Variants in FADS3 observed in about 807,000 individuals in gnomAD.
FADS3 encodes the protein fatty acid desaturase 3.
Under a neutral mutation model 60.4 loss-of-function variants are expected in FADS3, and 30 were observed. The ratio of observed to expected loss-of-function variants is 0.50; its 90% confidence interval spans 0.37 to 0.67. The LOEUF (loss-of-function observed/expected upper bound fraction) is 0.67. Ranked by LOEUF, FADS3 falls within the 30% of genes least tolerant of loss-of-function variation. The pLI, the probability that FADS3 is intolerant of heterozygous loss-of-function variation, is 0.00. For missense variants in FADS3, 432 were observed against 598.3 expected (o/e 0.72, Z 2.90); for synonymous variants, 234 against 249.3 (o/e 0.94, Z 0.58).
intron 3 of FADS3, 60 bp downstream of exon 3, chr11:61,879,252 T>G: frequency 7.0e-7 from 1 of 1,432,628 alleles, no homozygotes; most frequent in Non-Finnish European, 9.6e-7. Flanking sequence ...AATGCCCAGA[T>G]GCATGGGGGC....
intron 5 of FADS3, 132 bp from the exon 6 acceptor site, chr11:61,878,347 C>T (rs1937990970): frequency 7.3e-7 from 1 of 1,374,594 alleles, no homozygotes; most frequent in Non-Finnish European, 1.0e-6. Flanking sequence ...TGGTCGTCCC[C>T]AGCAGGTTGG....
chr11:61,891,447 C>T lies in FADS3; in HGVS notation c.-66G>A, dbSNP rs1938512437. 2 of 1,181,664 alleles carry T rather than the reference C, an allele frequency of 1.7e-6. No individual in the cohort carries two copies. The highest frequency in any genetic ancestry group is 2.6e-5 in the South Asian group (1 of 38,408). The allele number at this position is 1,181,664 out of a possible 1,614,324, so 73.2% of individuals were successfully genotyped here. On this transcript the variant is annotated 5_prime_UTR_variant, in exon 1 of 12. Coordinates refer to ENST00000278829, the MANE Select transcript of FADS3 (RefSeq NM_021727.5). ...GGTCCGAGCAAGACCCCGAGGGAAG[C>T]GAAGAGCGCTCCCGGGCGCCGCCTC... is the stretch of plus-strand genomic sequence containing the variant.
At chr11:61,890,176 C>T (rs1938452831) in intron 1 of FADS3, 1 of 151,282 alleles carries the variant, frequency 6.6e-6, no homozygotes, top group Admixed American at 6.6e-5. Flanking sequence ...TCTCACTCCT[C>T]AGCTTCATGG....
In FADS3 at chr11:61,891,385, G is replaced by A; in HGVS notation, c.-4C>T. The A allele has an allele frequency of 2.1e-6, 3 of 1,457,268 alleles. No individual in the cohort carries two copies. The highest frequency in any genetic ancestry group is 2.7e-6 in the Non-Finnish European group (3 of 1,109,780). The allele number at this position is 1,457,268 out of a possible 1,614,324, so 90.3% of individuals were successfully genotyped here. ...CCGGCTCCCCGACGCCGCCCATGCTGCACGCACGAGTCCTGGGGATCCCAG... is the reference window on the plus strand; with the variant it reads ...CCGGCTCCCCGACGCCGCCCATGCTACACGCACGAGTCCTGGGGATCCCAG... On this transcript the variant is annotated 5_prime_UTR_variant, in exon 1 of 12. Coordinates refer to ENST00000278829, the MANE Select transcript of FADS3 (RefSeq NM_021727.5).
At chr11:61,882,703 G>A (rs1418453598) in intron 1 of FADS3, among the ~76,000 whole-genome samples, 1 of 151,980 alleles carries the variant, frequency 6.6e-6, no homozygotes, top group African/African-American at 2.4e-5. Flanking sequence ...GTACAGGTGT[G>A]AGCCACACCT....
chr11:61,883,859 AGTGTGAGCCCCCTCAGGGCT>A lies in FADS3; in HGVS notation c.214-3728_214-3709del, dbSNP rs1232681259. On this transcript the variant is annotated intron_variant, in intron 1 of 11. Transcript: ENST00000278829. Reference sequence around the variant, plus strand: ...TCTACCCCTTGCAATGATAAGGGGAAGTGTGAGCCCCCTCAGGGCTGTGTCAGAGAACCCCAAAGCCATTG... The same window carrying A: ...TCTACCCCTTGCAATGATAAGGGGAAGTGTCAGAGAACCCCAAAGCCATTG... Among the ~76,000 whole-genome samples, 3 of 152,234 alleles carry A rather than the reference AGTGTGAGCCCCCTCAGGGCT, an allele frequency of 2.0e-5. No individual in the cohort carries two copies. In the East Asian group the frequency reaches 5.8e-4, roughly 29 times the overall value.
At chr11:61,878,301 A>G in intron 5 of FADS3, 86 bp from the exon 6 acceptor site, 2 of 1,468,682 alleles carry the variant, frequency 1.4e-6, no homozygotes, top group Non-Finnish European at 1.9e-6. Context: ...GCTGGGGCCA[A>G]GGGTCAAAGG....
rs1025002769 is a variant in FADS3 at position 61,873,553 on chromosome 11, A to C, written c.*261T>G. ...CATCTGAATGTATTTTAATATAAAA[A>C]TAACAGCTTTCCCCCAATTCTCGCT... On this transcript the variant is annotated 3_prime_UTR_variant, in exon 12 of 12. Coordinates refer to ENST00000278829, the MANE Select transcript of FADS3 (RefSeq NM_021727.5). The C allele has an allele frequency of 1.1e-5, 6 of 550,876 alleles. No individual in the cohort carries two copies. Among genetic ancestry groups the C allele is most frequent in the Non-Finnish European group, 1.9e-5 (6 of 310,782 alleles). The allele number at this position is 550,876 out of a possible 1,614,324, so 34.1% of individuals were successfully genotyped here.
In FADS3 at chr11:61,891,151, T is replaced by A. The variant is rs749629481; in HGVS notation, c.213+18A>T. On this transcript the variant is annotated intron_variant, in intron 1 of 11. Coordinates refer to ENST00000278829, the MANE Select transcript of FADS3 (RefSeq NM_021727.5). Reference sequence around the variant, plus strand: ...AGGCTCCACCCGCCGGTGGGTGGCTTCCTTATGGCTTCCTTACCGTGGCGT... The same window carrying A: ...AGGCTCCACCCGCCGGTGGGTGGCTACCTTATGGCTTCCTTACCGTGGCGT... The A allele has an allele frequency of 2.6e-6, 4 of 1,551,364 alleles. No individual in the cohort carries two copies. The Admixed American group carries it at 5.8e-5, about 22-fold the overall frequency.
chr11:61,884,644 C>G (rs1010223119), intron 1 of FADS3, among the ~76,000 whole-genome samples: 1 of 152,166 alleles, frequency 6.6e-6, no homozygotes, highest in East Asian at 1.9e-4. Flanking sequence ...GAAGGCGGTT[C>G]TTGGACCTCA....
chr11:61,878,505 C>T lies in FADS3; in HGVS notation c.747+7G>A. The T allele has an allele frequency of 6.2e-7, 1 of 1,613,148 alleles. No individual in the cohort carries two copies. The highest frequency in any genetic ancestry group is 2.2e-5 in the East Asian group (1 of 44,878). On this transcript the variant is annotated splice_region_variant and intron_variant, in intron 5 of 11. Transcript: ENST00000278829. ...GCCAGAGGTTGTCCACGTCCCTCCC[C>T]ACCCACCTCGACGGATGACTCCCCC...
intron 1 of FADS3, among the ~76,000 whole-genome samples, chr11:61,885,636 C>T (rs1938289188): frequency 6.6e-6 from 1 of 152,172 alleles, no homozygotes; most frequent in Admixed American, 6.5e-5. Context: ...CAGCCTCCTT[C>T]CACCCCAGAG....
rs1937765987 is a variant in FADS3 at position 61,873,807 on chromosome 11, G to A, written c.*7C>T. On this transcript the variant is annotated 3_prime_UTR_variant, in exon 12 of 12. Transcript: ENST00000278829. ...TGAGCCCTTCTCTGCCCGCCTGGGTGTTGCCTTCACTGATGGAGGTAGGCG... is the reference window on the plus strand; with the variant it reads ...TGAGCCCTTCTCTGCCCGCCTGGGTATTGCCTTCACTGATGGAGGTAGGCG... 1.2e-6 allele frequency: 2 copies of A among 1,609,680 alleles called. No homozygotes were observed. The highest frequency in any genetic ancestry group is 1.1e-5 in the South Asian group (1 of 90,290).
rs769574979 is a variant in FADS3, at chr11:61,876,806, G to C, written c.983+60C>G. On this transcript the variant is annotated intron_variant, in intron 8 of 11. Transcript: ENST00000278829. This position sits in a 1 kb window ranked among gnomAD's most constrained non-coding sequence, Gnocchi z 5.7. Reference sequence around the variant, plus strand: ...CAGACGGGAAAAGGGAAGCTCTGGTGGGGGGCTGCAGTGGGGGTCACCTGT... The same window carrying C: ...CAGACGGGAAAAGGGAAGCTCTGGTCGGGGGCTGCAGTGGGGGTCACCTGT... 1.6e-6 allele frequency: 2 copies of C among 1,290,256 alleles called. No individual in the cohort carries two copies. Among genetic ancestry groups the C allele is most frequent in the Non-Finnish European group, 2.2e-6 (2 of 907,160 alleles). The allele number at this position is 1,290,256 out of a possible 1,614,324, so 79.9% of individuals were successfully genotyped here. A position where few individuals can be genotyped will look rare whatever the true frequency, so the allele number is the denominator to read the frequency against.
intron 3 of FADS3, 59 bp downstream of exon 3, chr11:61,879,253 G>T: frequency 7.0e-7 from 1 of 1,436,334 alleles, no homozygotes; most frequent in Non-Finnish European, 9.6e-7. Flanking sequence ...ATGCCCAGAT[G>T]CATGGGGGCC....
Position 61,879,565 on chromosome 11 carries a change from C to G in FADS3, c.325-56G>C, listed in dbSNP as rs1045975900. 2.9e-5 allele frequency: 43 copies of G among 1,501,546 alleles called. No homozygotes were observed. The Admixed American group carries it at 7.9e-4, about 27-fold the overall frequency. The allele number at this position is 1,501,546 out of a possible 1,614,324, so 93.0% of individuals were successfully genotyped here. On this transcript the variant is annotated intron_variant, in intron 2 of 11. Coordinates refer to ENST00000278829, the MANE Select transcript of FADS3 (RefSeq NM_021727.5). ...GAAGAAATTCCTCCCCACCCCCATT[C>G]TCCTGGAGCCCCAGCCGCTCCTCCC...
rs1591192151 is a variant in FADS3, at chr11:61,877,711, C to G, written c.809-124G>C. 1 of 815,678 alleles carries G rather than the reference C, an allele frequency of 1.2e-6. No homozygotes were observed. The highest frequency in any genetic ancestry group is 1.9e-6 in the Non-Finnish European group (1 of 528,494). The allele number at this position is 815,678 out of a possible 1,614,324, so 50.5% of individuals were successfully genotyped here. A position where few individuals can be genotyped will look rare whatever the true frequency, so the allele number is the denominator to read the frequency against. On this transcript the variant is annotated intron_variant, in intron 6 of 11. Transcript: ENST00000278829. The surrounding 1 kb of genome is among the most constrained non-coding windows in gnomAD (Gnocchi z 4.7). ...GGACGTTGGTGCTGGTCACATCCAG[C>G]TGAATGACCCCATATCACCCCCAAT...
chr11:61,877,830 C>G lies in FADS3; in HGVS notation c.809-243G>C, dbSNP rs925514546. 3.4e-6 allele frequency: 2 copies of G among 595,222 alleles called. No homozygotes were observed. The highest frequency in any genetic ancestry group is 1.9e-5 in the African/African-American group (1 of 53,766). 36.9% of individuals were successfully genotyped at this position (595,222 alleles called of 1,614,324 possible). ...GCCAGACTTGAGTCCTCACTCTGTC[C>G]GCCCCAACAACTGCCCAAAGACTCT... On this transcript the variant is annotated intron_variant, in intron 6 of 11. Transcript: ENST00000278829. The surrounding 1 kb of genome is among the most constrained non-coding windows in gnomAD (Gnocchi z 4.7).
At chr11:61,874,225 G>C (rs573513826) in intron 11 of FADS3, among the ~76,000 whole-genome samples, 1 of 152,140 alleles carries the variant, frequency 6.6e-6, no homozygotes, top group African/African-American at 2.4e-5. Context: ...CTGCCCACCC[G>C]ATCTTGGGCC....
Sources: allele counts gnomAD v4.1 joint callset (sites outside exome capture counted in the v4.1 genomes callset), GRCh38; gene constraint gnomAD v4.1.1; non-coding constraint Gnocchi (gnomAD v3.1); transcripts MANE v1.5; gene names NCBI Gene and HGNC (gene_info 2026-07-23, HGNC 2026-07-21).